Variants in LRP1B observed in about 807,000 individuals in gnomAD.
LRP1B encodes low-density lipoprotein receptor-related protein 1B.
A neutral mutation model predicts 556.6 loss-of-function variants in LRP1B; 217 were observed. The ratio of observed to expected loss-of-function variants is 0.39; its 90% CI spans 0.35 to 0.44. The LOEUF (loss-of-function observed/expected upper bound fraction) is 0.44, where lower values mean the gene tolerates loss of function less well. Among genes scored for constraint, LRP1B ranks in the 20% least tolerant of loss-of-function variants. LRP1B has a pLI of 1.00. For synonymous variants in LRP1B, 2,047 were observed against 1,865.8 expected (o/e 1.10, Z -2.50); for missense variants, 5,053 against 5,620.8 (o/e 0.90, Z 3.23).
intron 41 of LRP1B, among the ~76,000 whole-genome samples, chr2:140,634,620 T>C (rs1034094352): frequency 1.3e-5 from 2 of 152,100 alleles, no homozygotes; most frequent in African/African-American, 4.8e-5. Flanking sequence ...ATATTAATAC[T>C]TATAAATTAT....
intron 32 of LRP1B, among the ~76,000 whole-genome samples, chr2:140,802,964 T>A (rs1690566819): frequency 6.6e-6 from 1 of 152,148 alleles, no homozygotes; most frequent in Admixed American, 6.6e-5. Context: ...ACTCTTACAT[T>A]CACGTGCTTA....
chr2:141,387,997 A>G (rs1424954836), intron 3 of LRP1B, among the ~76,000 whole-genome samples: 3 of 152,216 alleles, frequency 2.0e-5, no homozygotes, highest in Non-Finnish European at 2.9e-5. Context: ...GGGATTTACT[A>G]TACAAATGCA....
intron 1 of LRP1B, among the ~76,000 whole-genome samples, chr2:141,886,990 T>C (rs1311337972): frequency 6.7e-6 from 1 of 149,908 alleles, no homozygotes; most frequent in East Asian, 2.0e-4. Flanking sequence ...GGGTTTTTTG[T>C]TTGTTTGTTT....
intron 41 of LRP1B, among the ~76,000 whole-genome samples, chr2:140,659,470 A>T (rs1574205545): frequency 6.6e-6 from 1 of 152,044 alleles, no homozygotes; most frequent in African/African-American, 2.4e-5. Flanking sequence ...CCAACTTTGC[A>T]GTGTACTGAG....
chr2:140,571,676 A>G (rs1011656471), intron 43 of LRP1B, among the ~76,000 whole-genome samples: 1 of 151,850 alleles, frequency 6.6e-6, no homozygotes, highest in Non-Finnish European at 1.5e-5. Context: ...ATGAAATCAC[A>G]AAATTTCCCA....
intron 14 of LRP1B, among the ~76,000 whole-genome samples, chr2:141,007,198 T>C (rs1697600338): frequency 6.6e-6 from 1 of 151,884 alleles, no homozygotes; most frequent in Non-Finnish European, 1.5e-5. Context: ...TAGGTTATTA[T>C]ACTGAGGCTC....
At chr2:141,337,400 G>A (rs1687885358) in intron 3 of LRP1B, among the ~76,000 whole-genome samples, 1 of 152,088 alleles carries the variant, frequency 6.6e-6, no homozygotes, top group African/African-American at 2.4e-5. Context: ...ACATTTTAGT[G>A]ATTTATTATC....
At chr2:141,052,578 A>T (rs1479818008) in intron 10 of LRP1B, among the ~76,000 whole-genome samples, 1 of 152,086 alleles carries the variant, frequency 6.6e-6, no homozygotes, top group East Asian at 1.9e-4. Context: ...TAACTTGTGA[A>T]ATGATGTTGT....
At chr2:141,909,777 T>C (rs903223556) in intron 1 of LRP1B, among the ~76,000 whole-genome samples, 3 of 151,968 alleles carry the variant, frequency 2.0e-5, no homozygotes, top group Non-Finnish European at 4.4e-5. Context: ...GAATGCAACA[T>C]AAGAAATTCT....
intron 60 of LRP1B, among the ~76,000 whole-genome samples, chr2:140,470,598 T>C (rs1202762976): frequency 8.3e-6 from 1 of 120,136 alleles, no homozygotes; most frequent in African/African-American, 3.3e-5. Context: ...TGAGCCAAGA[T>C]AGCGCCACTG....
At chr2:140,795,052 C>T (rs531019166) in intron 32 of LRP1B, among the ~76,000 whole-genome samples, 138 of 152,208 alleles carry the variant, frequency 9.1e-4, no homozygotes, top group Non-Finnish European at 1.5e-3. Flanking sequence ...TCAAATACAT[C>T]CTTAAGAGAA....
At chr2:142,045,317 G>T (rs1262388974) in intron 1 of LRP1B, among the ~76,000 whole-genome samples, 1 of 151,656 alleles carries the variant, frequency 6.6e-6, no homozygotes, top group East Asian at 1.9e-4. Context: ...AATTTGAATC[G>T]CAATTTCCTC....
intron 1 of LRP1B, among the ~76,000 whole-genome samples, chr2:142,006,477 A>G (rs560116045): frequency 2.0e-4 from 31 of 152,328 alleles, no homozygotes; most frequent in African/African-American, 7.0e-4. Context: ...ATTTATATGC[A>G]ATTCACATCA....
chr2:140,403,317 G>T (rs1573897040), intron 66 of LRP1B, among the ~76,000 whole-genome samples: 1 of 152,024 alleles, frequency 6.6e-6, no homozygotes, highest in Non-Finnish European at 1.5e-5. Context: ...AATTCAGAAG[G>T]TTGTTTATTA....
chr2:142,130,563 G>C (rs1156263475), intron 1 of LRP1B, 85 bp downstream of exon 1: 3 of 1,198,218 alleles, frequency 2.5e-6, no homozygotes, highest in African/African-American at 1.5e-5. Context: ...AAGGACTTAA[G>C]TTTCACACTC....
chr2:142,044,116 T>C (rs1704162397), intron 1 of LRP1B, among the ~76,000 whole-genome samples: 3 of 151,780 alleles, frequency 2.0e-5, no homozygotes, highest in African/African-American at 7.2e-5. Flanking sequence ...ACTTAATTCT[T>C]ATCACAAATG....
At chr2:141,058,593 T>G (rs572654392) in intron 9 of LRP1B, among the ~76,000 whole-genome samples, 1 of 151,964 alleles carries the variant, frequency 6.6e-6, no homozygotes, top group Middle Eastern at 3.4e-3. Flanking sequence ...AATAATAACT[T>G]TAGCATCTGG....
intron 27 of LRP1B, among the ~76,000 whole-genome samples, chr2:140,864,728 T>A (rs1358410009): frequency 2.0e-5 from 3 of 152,058 alleles, no homozygotes; most frequent in African/African-American, 7.2e-5. Context: ...TTAGATTAGA[T>A]GGCTTCGTGA....
chr2:141,264,186 T>C (rs1684802378), intron 3 of LRP1B, among the ~76,000 whole-genome samples: 1 of 152,136 alleles, frequency 6.6e-6, no homozygotes, highest in African/African-American at 2.4e-5. Context: ...AAACAACAAA[T>C]GTCTACATAC....
Sources: gnomAD v4.1 joint callset for allele counts (sites outside exome capture counted in the v4.1 genomes callset) on GRCh38, gnomAD v4.1.1 for gene constraint, MANE v1.5 for transcripts, NCBI Gene and HGNC (gene_info 2026-07-23, HGNC 2026-07-21) for gene names.